FOXP2: variants seen among roughly 807,000 people sequenced by gnomAD.
FOXP2 encodes the protein forkhead box protein P2.
FOXP2 carries 12 observed loss-of-function variants against 115.8 expected under a neutral mutation model. The observed-to-expected ratio is 0.10, with a 90% CI of 0.07 to 0.17. The LOEUF (loss-of-function observed/expected upper bound fraction) is 0.17, where lower values mean the gene tolerates loss of function less well. FOXP2 is among the 10% of genes least tolerant of loss of function. The probability of loss-of-function intolerance (pLI) is 1.00; values close to 1 mark genes in which losing one functional copy is unlikely to be tolerated. For missense variants in FOXP2, 629 were observed against 843.5 expected (o/e 0.75, Z 3.15); for synonymous variants, 328 against 297.7 (o/e 1.10, Z -1.05).
upstream of FOXP2, among the ~76,000 whole-genome samples, chr7:114,161,094 C>T (rs371092187): frequency 1.3e-5 from 2 of 152,252 alleles, no homozygotes. Flanking sequence ...ACTGCAAAAC[C>T]ACTTCCGTGT....
At chr7:114,668,740 A>AG (rs796278117) in intron 16 of FOXP2, 3 of 152,302 alleles carry the variant, frequency 2.0e-5, no homozygotes, top group African/African-American at 7.2e-5. Flanking sequence ...AGTCCCTTAA[A>AG]GACAGATTAT....
intron 2 of FOXP2, among the ~76,000 whole-genome samples, chr7:114,453,256 T>C (rs1054505414): frequency 6.6e-6 from 1 of 152,126 alleles, no homozygotes; most frequent in Non-Finnish European, 1.5e-5. Flanking sequence ...AACTAGTCAG[T>C]AACTGAAGAG....
At chr7:114,615,075 C>T (rs887201732) in intron 3 of FOXP2, among the ~76,000 whole-genome samples, 1 of 152,010 alleles carries the variant, frequency 6.6e-6, no homozygotes, top group Admixed American at 6.5e-5. Context: ...AAAAATTAGC[C>T]AGGCGTGGTG....
At chr7:114,605,674 A>G (rs1803279804) in intron 3 of FOXP2, among the ~76,000 whole-genome samples, 1 of 152,256 alleles carries the variant, frequency 6.6e-6, no homozygotes, top group East Asian at 1.9e-4. Context: ...TTGTGCTCCA[A>G]TAGAAAGAGA....
At chr7:114,344,891 T>C (rs1235976139) in intron 2 of FOXP2, among the ~76,000 whole-genome samples, 1 of 151,752 alleles carries the variant, frequency 6.6e-6, no homozygotes, top group Non-Finnish European at 1.5e-5. Flanking sequence ...ATACACAAAT[T>C]AAAGCTCACA....
intron 1 of FOXP2, among the ~76,000 whole-genome samples, chr7:114,163,385 T>C (rs1362793373): frequency 1.3e-5 from 2 of 152,146 alleles, no homozygotes; most frequent in East Asian, 1.9e-4. Flanking sequence ...TCCTTTGATA[T>C]AGTATCTGCA....
intron 2 of FOXP2, among the ~76,000 whole-genome samples, chr7:114,490,810 C>T (rs2129243567): frequency 6.6e-6 from 1 of 152,224 alleles, no homozygotes; most frequent in Admixed American, 6.5e-5. Context: ...CCAGCTTCAT[C>T]CATGTCCCTA....
chr7:114,654,455 G>A (rs1440547671), intron 10 of FOXP2, among the ~76,000 whole-genome samples: 3 of 152,052 alleles, frequency 2.0e-5, no homozygotes, highest in Admixed American at 6.6e-5. Flanking sequence ...AAAGGTCATG[G>A]TATTTTTATA....
chr7:114,565,383 C>A (rs1282800689), intron 3 of FOXP2, among the ~76,000 whole-genome samples: 1 of 152,172 alleles, frequency 6.6e-6, no homozygotes, highest in East Asian at 1.9e-4. Context: ...GGAAAAAATA[C>A]CTGTCATGCA....
intron 3 of FOXP2, among the ~76,000 whole-genome samples, chr7:114,582,289 T>A (rs993323035): frequency 1.3e-5 from 2 of 152,206 alleles, no homozygotes; most frequent in African/African-American, 4.8e-5. Context: ...TTAACTCTTA[T>A]ATTATGTGTT....
chr7:114,165,177 T>C (rs1309304055), intron 1 of FOXP2, among the ~76,000 whole-genome samples: 1 of 152,066 alleles, frequency 6.6e-6, no homozygotes, highest in African/African-American at 2.4e-5. Context: ...TCATGAAAAA[T>C]CTATTGATGA....
intron 1 of FOXP2, among the ~76,000 whole-genome samples, chr7:114,176,336 T>TTCTCTCTC: frequency 7.4e-6 from 1 of 135,974 alleles, no homozygotes; most frequent in African/African-American, 3.4e-5. Context: ...TTTTCTTTCT[T>TTCTCTCTC]TCTCTCTCTC....
chr7:114,529,955 G>A (rs1369145975), intron 2 of FOXP2, among the ~76,000 whole-genome samples: 1 of 151,816 alleles, frequency 6.6e-6, no homozygotes, highest in Non-Finnish European at 1.5e-5. Flanking sequence ...ATTAAACTCT[G>A]TTTGAAAACT....
chr7:114,619,530 T>C (rs1804124351), intron 3 of FOXP2, among the ~76,000 whole-genome samples: 1 of 152,094 alleles, frequency 6.6e-6, no homozygotes, highest in South Asian at 2.1e-4. Context: ...ATTTATAACA[T>C]ATATGTTTCA....
At chr7:114,490,286 G>A (rs934298335) in intron 2 of FOXP2, among the ~76,000 whole-genome samples, 3 of 152,100 alleles carry the variant, frequency 2.0e-5, no homozygotes, top group African/African-American at 7.2e-5. Context: ...AAATGTAAAT[G>A]CGCATTACTA....
rs1225875569 is a variant in FOXP2 at position 114,328,830 on chromosome 7, T to C, written c.-11+40721T>C. ...TGGGGTATCAAAAGGAATAGCCTCATATAGAAGAAAATAGCATTTTTAGAA... is the reference window on the plus strand; with the variant it reads ...TGGGGTATCAAAAGGAATAGCCTCACATAGAAGAAAATAGCATTTTTAGAA... On this transcript the variant is annotated intron_variant, in intron 2 of 17. Transcript: ENST00000634411. 3.9e-5 allele frequency among the ~76,000 whole-genome samples: 6 copies of C among 152,300 alleles called. No homozygotes were observed. In the East Asian group the frequency reaches 9.7e-4, roughly 25 times the overall value.
intron 2 of FOXP2, among the ~76,000 whole-genome samples, chr7:114,374,817 A>G (rs1303060583): frequency 6.6e-6 from 1 of 152,186 alleles, no homozygotes; most frequent in African/African-American, 2.4e-5. Flanking sequence ...ATAATATATA[A>G]AACACTAACA....
At chr7:114,629,534 A>C in intron 4 of FOXP2, 1 of 1,385,664 alleles carries the variant, frequency 7.2e-7, no homozygotes, top group Non-Finnish European at 9.9e-7. Context: ...TAATAATTTA[A>C]AGTATTAATT....
At chr7:114,604,475 G>A (rs1403423664) in intron 3 of FOXP2, among the ~76,000 whole-genome samples, 1 of 152,072 alleles carries the variant, frequency 6.6e-6, no homozygotes, top group African/African-American at 2.4e-5. Context: ...TGGAGGGACA[G>A]GTTTTCTACT....
Sources: allele counts gnomAD v4.1 joint callset (sites outside exome capture counted in the v4.1 genomes callset), GRCh38; gene constraint gnomAD v4.1.1; transcripts MANE v1.5; gene names NCBI Gene and HGNC (gene_info 2026-07-23, HGNC 2026-07-21).